XPOT: variants seen among roughly 807,000 people sequenced by gnomAD.
XPOT encodes exportin for tRNA, also known as exportin-T.
A neutral mutation model predicts 128.2 loss-of-function variants in XPOT; 34 were observed. The observed-to-expected ratio is 0.27, with a 90% CI of 0.20 to 0.35. The LOEUF (loss-of-function observed/expected upper bound fraction) is 0.35. Among genes scored for constraint, XPOT ranks in the 10% least tolerant of loss-of-function variants. XPOT has a pLI of 1.00. For missense variants in XPOT, 838 were observed against 1,125.3 expected (o/e 0.74, Z 3.65); for synonymous variants, 348 against 394.3 (o/e 0.88, Z 1.39).
intron 18 of XPOT, 60 bp from the exon 19 acceptor site, chr12:64,433,354 T>G: frequency 6.9e-7 from 1 of 1,450,730 alleles, no homozygotes; most frequent in Non-Finnish European, 9.2e-7. Flanking sequence ...AAAATAGTTT[T>G]TTCTAAGTTG....
At chr12:64,433,899 T>A (rs2040260083) in intron 19 of XPOT, among the ~76,000 whole-genome samples, 1 of 152,224 alleles carries the variant, frequency 6.6e-6, no homozygotes, top group African/African-American at 2.4e-5. Flanking sequence ...TATGGCAAAT[T>A]TGCCATTTTG....
Position 64,433,421 on chromosome 12 carries a change from T to A in XPOT, c.2270T>A (p.Val757Glu), listed in dbSNP as rs1368721748. 6.5e-7 allele frequency: 1 copy of A among 1,543,474 alleles called. No homozygotes were observed. Among genetic ancestry groups the A allele is most frequent in the Middle Eastern group, 1.9e-4 (1 of 5,188 alleles). Residue 757 changes from valine to glutamate, a missense_variant, in exon 19 of 25, where the codon GTA becomes GAA. Val to Glu is a moderately radical substitution (Grantham distance 121, BLOSUM62 -2). Around this residue, in one of 3 missense-constraint regions of XPOT, gnomAD observed 761 missense variants for 988.3 expected, o/e 0.77. Coordinates refer to ENST00000332707, the MANE Select transcript of XPOT (RefSeq NM_007235.6). ...ATGATTGTTTATCTTCAGATACAGG[T>A]ATCCCCGTTTTTACAACAGATGTTC... ...NQITAKFKIQVSPFLQQMFMP... is the reference protein window; with the variant it reads ...NQITAKFKIQESPFLQQMFMP...
chr12:64,411,825 T>C (rs1257596554), intron 2 of XPOT, among the ~76,000 whole-genome samples: 2 of 152,154 alleles, frequency 1.3e-5, no homozygotes, highest in Non-Finnish European at 2.9e-5. Flanking sequence ...CTGACTCTTG[T>C]CACATAGAGT....
intron 6 of XPOT, 105 bp downstream of exon 6, chr12:64,419,199 T>C (rs1240528113): frequency 1.2e-6 from 1 of 832,996 alleles, no homozygotes; most frequent in African/African-American, 1.7e-5. Context: ...AGGTAAACTT[T>C]CTTAAGTTAT....
chr12:64,426,411 G>A (rs1469508530), intron 15 of XPOT, among the ~76,000 whole-genome samples: 20 of 152,028 alleles, frequency 1.3e-4, no homozygotes, highest in Admixed American at 1.3e-3. Context: ...GCAGCTGGAG[G>A]CCTTTAATCT....
Position 64,426,310 on chromosome 12 carries a change from A to AAAAAAAG in XPOT, c.1667+404_1667+405insAAAGAAA, listed in dbSNP as rs796108387. On this transcript the variant is annotated intron_variant, in intron 15 of 24. Transcript: ENST00000332707. ...TGAGACTCAGTCTCAAAAAAAAAAA[A>AAAAAAAG]AAAGAAAAAGAAAATGTAGTACACA... 5.0e-4 allele frequency among the ~76,000 whole-genome samples: 76 copies of AAAAAAAG among 151,202 alleles called. 1 individual carries two copies. The highest frequency in any genetic ancestry group is 1.8e-3 in the African/African-American group (75 of 40,948).
Position 64,434,557 on chromosome 12 carries a change from G to C in XPOT, c.2503G>C (p.Glu835Gln), listed in dbSNP as rs138118281. The stretch of plus-strand genomic sequence containing the variant: ...GGTTACTGTTATCCAAGGAGCAGTT[G>C]AATATCCAGATCCAATTGCACAGAA... ...VLVTVIQGAV[E>Q]YPDPIAQKTC... Residue 835 changes from glutamate to glutamine, a missense_variant, in exon 20 of 25, where the codon GAA (glutamate) becomes CAA (glutamine). Around this residue, in one of 3 missense-constraint regions of XPOT, gnomAD observed 761 missense variants for 988.3 expected, o/e 0.77. Transcript: ENST00000332707. 6.6e-5 allele frequency: 106 copies of C among 1,613,962 alleles called. No individual in the cohort carries two copies. Among genetic ancestry groups the C allele is most frequent in the Non-Finnish European group, 8.7e-5 (103 of 1,179,966 alleles).
Position 64,420,261 on chromosome 12 carries a change from A to G in XPOT, c.674+7A>G, listed in dbSNP as rs1199814985. ...CCCTTATAGCCAATGATAGGTAAGTATGCCTATTATTTTTATAGTATAAAC... is the reference window on the plus strand; with the variant it reads ...CCCTTATAGCCAATGATAGGTAAGTGTGCCTATTATTTTTATAGTATAAAC... On this transcript the variant is annotated splice_region_variant and intron_variant, in intron 7 of 24. Coordinates refer to ENST00000332707, the MANE Select transcript of XPOT (RefSeq NM_007235.6). 1.9e-6 allele frequency: 3 copies of G among 1,588,318 alleles called. No homozygotes were observed. Among genetic ancestry groups the G allele is most frequent in the Non-Finnish European group, 2.6e-6 (3 of 1,170,320 alleles).
At chr12:64,421,513 A>G (rs763161830) in intron 9 of XPOT, 42 bp downstream of exon 9, 31 of 1,363,254 alleles carry the variant, frequency 2.3e-5, no homozygotes, top group South Asian at 7.2e-5. Flanking sequence ...ACATAATACA[A>G]AGGAGCCATG....
At position 64,425,106 on chromosome 12, in the gene XPOT, C is replaced by T; in HGVS notation, c.1376C>T (p.Ala459Val). The change falls in exon 13 of 25, where the codon GCT (alanine) becomes GTT (valine). Residue 459 changes from alanine (A) to valine (V), a missense_variant. By Grantham distance (64) the Ala-to-Val change is moderately conservative. Transcript: ENST00000332707. ...AGATTGCTGTATATGTTGGCAGAAG[C>T]TCTTCCAGTATCTCATGGTGCTCAC... ...AIRLLYMLAE[A>V]LPVSHGAHFS... 1 of 1,613,832 alleles carries T rather than the reference C, an allele frequency of 6.2e-7. No homozygotes were observed. Among genetic ancestry groups the T allele is most frequent in the Non-Finnish European group, 8.5e-7 (1 of 1,179,990 alleles).
At chr12:64,412,471 T>C (rs540864375) in intron 2 of XPOT, among the ~76,000 whole-genome samples, 1 of 152,340 alleles carries the variant, frequency 6.6e-6, no homozygotes, top group South Asian at 2.1e-4. Flanking sequence ...GCAACATACA[T>C]GATTAACTTC....
rs2040399274 is a variant in XPOT, at chr12:64,450,175, T to G, written c.*2044T>G. 6.6e-6 allele frequency: 1 copy of G among 152,036 alleles called. No individual in the cohort carries two copies. Among genetic ancestry groups the G allele is most frequent in the East Asian group, 1.9e-4 (1 of 5,184 alleles). 9.4% of individuals were successfully genotyped at this position (152,036 alleles called of 1,614,324 possible). On this transcript the variant is annotated 3_prime_UTR_variant, in exon 25 of 25. Coordinates refer to ENST00000332707, the MANE Select transcript of XPOT (RefSeq NM_007235.6). Reference sequence around the variant, plus strand: ...ATACTTTTTTTTTCTTTTTTTTTTTTGAATAGAGATCAGTCTATCACCCAG... The same window carrying G: ...ATACTTTTTTTTTCTTTTTTTTTTTGGAATAGAGATCAGTCTATCACCCAG...
At chr12:64,447,998 A>G (rs1250969172) in intron 24 of XPOT, 107 bp from the exon 25 acceptor site, 11 of 1,017,052 alleles carry the variant, frequency 1.1e-5, no homozygotes, top group Non-Finnish European at 1.6e-5. Flanking sequence ...GAAATGTTCT[A>G]ATGTTACAGA....
At chr12:64,426,111 G>A (rs1397692429) in intron 15 of XPOT, among the ~76,000 whole-genome samples, 3 of 151,910 alleles carry the variant, frequency 2.0e-5, no homozygotes, top group Non-Finnish European at 4.4e-5. Flanking sequence ...TTGGAGACCA[G>A]CCTGGCCAAC....
chr12:64,425,967 T>A, intron 15 of XPOT, 58 bp downstream of exon 15: 3 of 1,477,384 alleles, frequency 2.0e-6, no homozygotes, highest in Non-Finnish European at 2.8e-6. Context: ...TGGATAGATG[T>A]AAAACAATAG....
chr12:64,448,126 C>T lies in XPOT; in HGVS notation c.2884C>T (p.Pro962Ser). 6.2e-7 allele frequency: 1 copy of T among 1,613,814 alleles called. No individual in the cohort carries two copies. Among genetic ancestry groups the T allele is most frequent in the Admixed American group, 1.7e-5 (1 of 60,002 alleles). Reference protein sequence around the residue: ...YLKVFFQRAKP With the variant: ...YLKVFFQRAKS ...ACAGGTGTTCTTCCAGAGAGCAAAG[C>T]CCTGAGGACTGGATTTCCCTGTGCC... The change falls in exon 25 of 25, where the codon CCC (proline) becomes TCC (serine). Residue 962 changes from proline to serine, a missense_variant. Around this residue, in one of 3 missense-constraint regions of XPOT, gnomAD observed 56 missense variants for 79.2 expected, o/e 0.71. Coordinates refer to ENST00000332707, the MANE Select transcript of XPOT (RefSeq NM_007235.6).
chr12:64,424,460 TTTA>T (rs1331923290), intron 11 of XPOT, 136 bp from the exon 12 acceptor site: 16 of 719,290 alleles, frequency 2.2e-5, no homozygotes, highest in Middle Eastern at 4.5e-4. Context: ...GTTTTTAATT[TTTA>T]TTATTATACT....
intron 23 of XPOT, among the ~76,000 whole-genome samples, chr12:64,440,696 A>G (rs1369866878): frequency 2.6e-5 from 4 of 151,890 alleles, no homozygotes; most frequent in Non-Finnish European, 4.4e-5. Context: ...TTTGATTTGC[A>G]TTTCCCTTAT....
rs1351391703 is a variant in XPOT, at chr12:64,409,968, A to G, written c.-68A>G. 2 of 1,345,394 alleles carry G rather than the reference A, an allele frequency of 1.5e-6. No homozygotes were observed. The highest frequency in any genetic ancestry group is 1.1e-6 in the Non-Finnish European group (1 of 946,632). 83.3% of individuals were successfully genotyped at this position (1,345,394 alleles called of 1,614,324 possible). On this transcript the variant is annotated 5_prime_UTR_variant, in exon 2 of 25. Transcript: ENST00000332707. ...ACTTTGTTTTTTGTGGCAGATGTTT[A>G]TAAATTCTTCTGTGGGATCAGAGGG...
Sources: gnomAD v4.1 joint callset for allele counts (sites outside exome capture counted in the v4.1 genomes callset) on GRCh38, gnomAD v4.1.1 for gene constraint, gnomAD v4.1.1 regional missense constraint, MANE v1.5 for transcripts, NCBI Gene and HGNC (gene_info 2026-07-23, HGNC 2026-07-21) for gene names.